Variants in TENM4 observed in about 807,000 individuals in gnomAD.
The protein encoded by TENM4 is teneurin-4.
Under a neutral mutation model 243.3 loss-of-function variants are expected in TENM4, and 82 were observed. The observed-to-expected ratio is 0.34, with a 90% CI of 0.28 to 0.40. The LOEUF (loss-of-function observed/expected upper bound fraction) is 0.40, where lower values mean the gene tolerates loss of function less well. TENM4 is among the 10% of genes least tolerant of loss of function. The pLI is 1.00. For missense variants in TENM4, 3,138 were observed against 3,673.3 expected (o/e 0.85, Z 3.77); for synonymous variants, 1,412 against 1,456.3 (o/e 0.97, Z 0.69).
chr11:79,382,504 C>T (rs1016965416), intron 1 of TENM4, among the ~76,000 whole-genome samples: 6 of 152,190 alleles, frequency 3.9e-5, no homozygotes, highest in Non-Finnish European at 5.9e-5. Flanking sequence ...TGCAATCCCC[C>T]ATGCCCTGCA....
chr11:79,021,593 C>T (rs1858930170), intron 6 of TENM4: 1 of 152,188 alleles, frequency 6.6e-6, no homozygotes, highest in Non-Finnish European at 1.5e-5. Context: ...TTCTGATCTG[C>T]TCCATGTATG....
chr11:79,369,227 G>T (rs1175208289), intron 1 of TENM4, among the ~76,000 whole-genome samples: 1 of 152,160 alleles, frequency 6.6e-6, no homozygotes, highest in Non-Finnish European at 1.5e-5. Flanking sequence ...GAGTCTCAGA[G>T]GTTTCCGAGA....
chr11:79,313,349 A>T (rs1856752415), intron 1 of TENM4, among the ~76,000 whole-genome samples: 1 of 152,182 alleles, frequency 6.6e-6, no homozygotes, highest in African/African-American at 2.4e-5. Context: ...CCAACAAAGC[A>T]TGCCAAAACA....
chr11:79,298,185 G>A (rs1374726353), intron 1 of TENM4, among the ~76,000 whole-genome samples: 1 of 152,130 alleles, frequency 6.6e-6, no homozygotes, highest in Non-Finnish European at 1.5e-5. Context: ...AGAAGAGTGA[G>A]AAGTGAGCAA....
At chr11:79,075,407 A>C (rs948768820) in intron 4 of TENM4, among the ~76,000 whole-genome samples, 3 of 152,238 alleles carry the variant, frequency 2.0e-5, no homozygotes, top group Non-Finnish European at 4.4e-5. Context: ...GGCCCTGGGC[A>C]CAGGACATTT....
At chr11:79,092,405 T>G (rs555760163) in intron 4 of TENM4, among the ~76,000 whole-genome samples, 5 of 152,342 alleles carry the variant, frequency 3.3e-5, no homozygotes, top group Admixed American at 3.3e-4. Context: ...TCTCCCCTGA[T>G]GGAGACCTCC....
intron 15 of TENM4, among the ~76,000 whole-genome samples, chr11:78,798,546 A>G (rs1239576480): frequency 6.6e-6 from 1 of 152,172 alleles, no homozygotes; most frequent in Non-Finnish European, 1.5e-5. Context: ...GCAACAGTCA[A>G]TGTTCATTGA....
At chr11:78,775,066 C>A (rs1176391244) in intron 17 of TENM4, among the ~76,000 whole-genome samples, 1 of 152,200 alleles carries the variant, frequency 6.6e-6, no homozygotes, top group African/African-American at 2.4e-5. Context: ...GAAAACGTTG[C>A]ATCCTATATT....
intron 12 of TENM4, among the ~76,000 whole-genome samples, chr11:78,827,766 G>A (rs1178861587): frequency 6.6e-6 from 1 of 152,164 alleles, no homozygotes; most frequent in Non-Finnish European, 1.5e-5. Flanking sequence ...TGGGATTACA[G>A]GCGTGAGCCA....
At chr11:78,895,811 T>A (rs1368419318) in intron 7 of TENM4, among the ~76,000 whole-genome samples, 2 of 152,134 alleles carry the variant, frequency 1.3e-5, no homozygotes, top group African/African-American at 2.4e-5. Context: ...CAGGAAAAAT[T>A]AGGTGAAGAT....
intron 6 of TENM4, among the ~76,000 whole-genome samples, chr11:78,924,221 T>C (rs986380293): frequency 1.3e-5 from 2 of 152,224 alleles, no homozygotes; most frequent in African/African-American, 4.8e-5. Context: ...AACAAGCACA[T>C]GGTCCACAGT....
intron 4 of TENM4, among the ~76,000 whole-genome samples, chr11:79,131,105 T>G (rs987841657): frequency 2.0e-5 from 3 of 152,124 alleles, no homozygotes; most frequent in Non-Finnish European, 4.4e-5. Flanking sequence ...GGAAAACATA[T>G]TTGGGGGAAT....
intron 2 of TENM4, among the ~76,000 whole-genome samples, chr11:79,274,053 A>G (rs1260288221): frequency 1.3e-5 from 2 of 152,210 alleles, no homozygotes; most frequent in East Asian, 3.9e-4. Context: ...CGAGGGGGAA[A>G]TGAGGAAGAG....
At chr11:79,280,261 G>C (rs1165324760) in intron 2 of TENM4, among the ~76,000 whole-genome samples, 1 of 152,146 alleles carries the variant, frequency 6.6e-6, no homozygotes, top group Non-Finnish European at 1.5e-5. Flanking sequence ...TCAAGTCAGA[G>C]TTCACTGCAG....
intron 4 of TENM4, among the ~76,000 whole-genome samples, chr11:79,126,726 G>C (rs1009760168): frequency 6.6e-6 from 1 of 152,162 alleles, no homozygotes; most frequent in Non-Finnish European, 1.5e-5. Context: ...TTCCAGACTT[G>C]TGCCAGTTTA....
chr11:78,976,806 T>C (rs2136603969), intron 6 of TENM4, among the ~76,000 whole-genome samples: 1 of 152,294 alleles, frequency 6.6e-6, no homozygotes, highest in South Asian at 2.1e-4. Context: ...AAACTTTTTT[T>C]TTGATCCTAA....
chr11:79,015,618 T>C (rs1422344898), intron 6 of TENM4, among the ~76,000 whole-genome samples: 1 of 152,080 alleles, frequency 6.6e-6, no homozygotes, highest in Non-Finnish European at 1.5e-5. Context: ...GTAAAGCCTA[T>C]TACATGGAAG....
intron 12 of TENM4, among the ~76,000 whole-genome samples, chr11:78,827,374 T>C (rs1198825514): frequency 6.6e-6 from 1 of 152,144 alleles, no homozygotes; most frequent in Non-Finnish European, 1.5e-5. Flanking sequence ...ACACTCCCTT[T>C]TCAGCCTCCC....
intron 4 of TENM4, among the ~76,000 whole-genome samples, chr11:79,099,537 A>G (rs1339872546): frequency 2.6e-5 from 4 of 152,202 alleles, no homozygotes; most frequent in Non-Finnish European, 4.4e-5. Flanking sequence ...AATGATCATC[A>G]AAACTATTTC....
Sources: gnomAD v4.1 joint callset for allele counts (sites outside exome capture counted in the v4.1 genomes callset) on GRCh38, gnomAD v4.1.1 for gene constraint, MANE v1.5 for transcripts, NCBI Gene and HGNC (gene_info 2026-07-23, HGNC 2026-07-21) for gene names.